The following SP4 variants were observed in gnomAD, a reference collection of about 807,000 sequenced individuals.
SP4 encodes transcription factor Sp4.
Under a neutral mutation model 72.8 loss-of-function variants are expected in SP4, and 19 were observed. The ratio of observed to expected loss-of-function variants is 0.26; its 90% CI spans 0.18 to 0.38. The LOEUF is 0.38. Ranked by LOEUF, SP4 falls within the 10% of genes least tolerant of loss-of-function variation. The pLI, the probability that SP4 is intolerant of heterozygous loss-of-function variation, is 1.00. For synonymous variants in SP4, 395 were observed against 333.1 expected, an observed-to-expected ratio of 1.19 and a Z score of -2.02; for missense variants, 1,008 against 926.3, an observed-to-expected ratio of 1.09 and a Z score of -1.14.
intron 3 of SP4, among the ~76,000 whole-genome samples, chr7:21,461,328 C>G (rs1321863706): frequency 6.6e-6 from 1 of 152,106 alleles, no homozygotes; most frequent in Non-Finnish European, 1.5e-5. Flanking sequence ...GAGCCCACGG[C>G]TGGGTGGGGG....
At chr7:21,454,077 T>C (rs1047823172) in intron 3 of SP4, among the ~76,000 whole-genome samples, 2 of 152,222 alleles carry the variant, frequency 1.3e-5, no homozygotes, top group African/African-American at 4.8e-5. Context: ...TGGTTAACTC[T>C]TAGCAGCTTT....
intron 4 of SP4, among the ~76,000 whole-genome samples, chr7:21,478,241 C>T (rs894036844): frequency 1.3e-5 from 2 of 152,128 alleles, no homozygotes; most frequent in African/African-American, 4.8e-5. Context: ...TATGGATATA[C>T]AATATTTTTG....
intron 3 of SP4, among the ~76,000 whole-genome samples, chr7:21,452,000 T>C (rs575142093): frequency 6.6e-6 from 1 of 152,342 alleles, no homozygotes; most frequent in Non-Finnish European, 1.5e-5. Flanking sequence ...CCCAGATTTT[T>C]ACATTACCCA....
chr7:21,466,894 G>A (rs1198514207), intron 3 of SP4, among the ~76,000 whole-genome samples: 1 of 151,770 alleles, frequency 6.6e-6, no homozygotes, highest in Non-Finnish European at 1.5e-5. Context: ...CTTTTCAAAG[G>A]CTTTAATTCA....
chr7:21,496,470 A>T (rs1383412973), intron 5 of SP4, among the ~76,000 whole-genome samples: 2 of 152,172 alleles, frequency 1.3e-5, no homozygotes, highest in African/African-American at 4.8e-5. Flanking sequence ...TATTTTGTGC[A>T]ACCCCATCAT....
intron 3 of SP4, among the ~76,000 whole-genome samples, chr7:21,445,150 A>G (rs563132406): frequency 6.6e-6 from 1 of 152,290 alleles, no homozygotes; most frequent in South Asian, 2.1e-4. Context: ...GCGCAATAAG[A>G]GTATGTATTC....
At position 21,477,167 on chromosome 7, in the gene SP4, G is replaced by T; in HGVS notation, c.1767G>T (p.Thr589=). The change falls in exon 4 of 6, where the codon ACG becomes ACT. Residue 589 remains threonine, a synonymous_variant. Coordinates refer to ENST00000222584, the MANE Select transcript of SP4 (RefSeq NM_003112.5). The stretch of plus-strand genomic sequence containing the variant: ...CAGTTGGAGGAATTGCTAATGCCAC[G>T]ATAGGTGCTGTTAGTCCTGACCAAC... ...TVAVGGIANA[T]IGAVSPDQLT... is the part of the protein sequence containing the mutation. 2 of 1,614,148 alleles carry T rather than the reference G, an allele frequency of 1.2e-6. No individual in the cohort carries two copies. The highest frequency in any genetic ancestry group is 1.7e-6 in the Non-Finnish European group (2 of 1,179,982).
intron 3 of SP4, among the ~76,000 whole-genome samples, chr7:21,457,511 A>C (rs911007908): frequency 6.6e-6 from 1 of 152,192 alleles, no homozygotes; most frequent in Non-Finnish European, 1.5e-5. Flanking sequence ...ATTTGGTTCC[A>C]TTTTTTATAC....
At chr7:21,442,129 C>A (rs951268548) in intron 3 of SP4, among the ~76,000 whole-genome samples, 7 of 150,676 alleles carry the variant, frequency 4.6e-5, no homozygotes, top group African/African-American at 1.7e-4. Flanking sequence ...GCCTCTGCCT[C>A]CCAGGTTCAA....
At chr7:21,443,738 A>G (rs1783333983) in intron 3 of SP4, among the ~76,000 whole-genome samples, 1 of 152,210 alleles carries the variant, frequency 6.6e-6, no homozygotes, top group Admixed American at 6.5e-5. Context: ...AGGGAGTTGA[A>G]GGAGAAGAGA....
At chr7:21,482,698 G>A (rs962476716) in intron 5 of SP4, 85 of 979,962 alleles carry the variant, frequency 8.7e-5, no homozygotes, top group South Asian at 2.8e-4. Flanking sequence ...TAAGTTTTAC[G>A]TACACTTTTA....
At chr7:21,492,540 T>TA (rs1015400301) in intron 5 of SP4, among the ~76,000 whole-genome samples, 2 of 152,022 alleles carry the variant, frequency 1.3e-5, no homozygotes, top group Admixed American at 6.5e-5. Flanking sequence ...CTGAAACACT[T>TA]ATAGGCCCAA....
intron 3 of SP4, among the ~76,000 whole-genome samples, chr7:21,454,797 G>A (rs1783711522): frequency 6.6e-6 from 1 of 152,124 alleles, no homozygotes; most frequent in African/African-American, 2.4e-5. Flanking sequence ...GAGAAATGGG[G>A]CTATTAGACA....
In SP4 at chr7:21,430,759, A is replaced by G; in HGVS notation, c.1594A>G (p.Asn532Asp). The change falls in exon 3 of 6, where the codon AAC becomes GAC. Residue 532 changes from asparagine (N) to aspartate (D), a missense_variant. By Grantham distance (23) the Asn-to-Asp change is conservative. Coordinates refer to ENST00000222584, the MANE Select transcript of SP4 (RefSeq NM_003112.5). ...TACTGCCCAGCTTGCATCAGTGCCT[A>G]ACCTTCAGACAGTGAGCGTTGCCAA... ...LNTAQLASVP[N>D]LQTVSVANLG... The G allele has an allele frequency of 6.2e-7, 1 of 1,614,174 alleles. No individual in the cohort carries two copies. The highest frequency in any genetic ancestry group is 8.5e-7 in the Non-Finnish European group (1 of 1,180,024).
At chr7:21,479,402 TG>T (rs1784612027) in intron 4 of SP4, among the ~76,000 whole-genome samples, 1 of 152,184 alleles carries the variant, frequency 6.6e-6, no homozygotes, top group African/African-American at 2.4e-5. Context: ...CTTTCTCCGT[TG>T]AATGTTCTTG....
intron 3 of SP4, chr7:21,471,184 A>G: frequency 1.9e-6 from 1 of 529,944 alleles, no homozygotes; most frequent in Non-Finnish European, 3.9e-6. Flanking sequence ...GAGTTAGATC[A>G]TGAAGAACTT....
intron 5 of SP4, among the ~76,000 whole-genome samples, chr7:21,497,589 T>C (rs761402159): frequency 3.9e-5 from 6 of 152,216 alleles, no homozygotes; most frequent in Non-Finnish European, 7.3e-5. Context: ...GGTTTTGCTC[T>C]TGCCCCCTCT....
chr7:21,454,136 G>A (rs1041835594), intron 3 of SP4, among the ~76,000 whole-genome samples: 1 of 152,166 alleles, frequency 6.6e-6, no homozygotes, highest in Non-Finnish European at 1.5e-5. Context: ...TATGTACTAG[G>A]TGTGGAGCCT....
At chr7:21,468,363 A>G (rs894713928) in intron 3 of SP4, among the ~76,000 whole-genome samples, 2 of 152,130 alleles carry the variant, frequency 1.3e-5, no homozygotes, top group African/African-American at 4.8e-5. Flanking sequence ...GAATTGACAC[A>G]TTTAGTTTAA....
Sources: gnomAD v4.1 joint callset for allele counts (sites outside exome capture counted in the v4.1 genomes callset) on GRCh38, gnomAD v4.1.1 for gene constraint, MANE v1.5 for transcripts, NCBI Gene and HGNC (gene_info 2026-07-23, HGNC 2026-07-21) for gene names.